The following GABRB3 variants were observed in gnomAD, a reference collection of about 807,000 sequenced individuals.
The protein encoded by GABRB3 is gamma-aminobutyric acid type A receptor subunit beta3, also known as gamma-aminobutyric acid receptor subunit beta-3.
In GABRB3, 14 loss-of-function variants were observed where a neutral mutation model predicts 52.1. The observed-to-expected ratio is 0.27, with a 90% CI of 0.18 to 0.42. The LOEUF is 0.42. Ranked by LOEUF, GABRB3 falls within the 10% of genes least tolerant of loss-of-function variation. The pLI is 1.00. For missense variants in GABRB3, 307 were observed against 609.1 expected (o/e 0.50, Z 5.22); for synonymous variants, 260 against 232.3 (o/e 1.12, Z -1.08).
At chr15:26,662,241 A>G (rs1340427624) in intron 3 of GABRB3, among the ~76,000 whole-genome samples, 1 of 152,214 alleles carries the variant, frequency 6.6e-6, no homozygotes, top group African/African-American at 2.4e-5. Context: ...GTTACCACAG[A>G]AAAGCATGAA....
chr15:26,644,031 A>G (rs1595505174), intron 3 of GABRB3, among the ~76,000 whole-genome samples: 1 of 152,262 alleles, frequency 6.6e-6, no homozygotes, highest in African/African-American at 2.4e-5. Context: ...GACTGAGGGT[A>G]CCCAGGGCAG....
At chr15:26,557,314 C>T (rs984663410) in intron 8 of GABRB3, among the ~76,000 whole-genome samples, 1 of 152,164 alleles carries the variant, frequency 6.6e-6, no homozygotes, top group Non-Finnish European at 1.5e-5. Context: ...CAAAAAACTA[C>T]CTTTTGGGCA....
chr15:26,719,072 C>A (rs1200327236), intron 3 of GABRB3, among the ~76,000 whole-genome samples: 1 of 152,256 alleles, frequency 6.6e-6, no homozygotes, highest in Non-Finnish European at 1.5e-5. Flanking sequence ...AAGTTGCCTG[C>A]ATGCACCACA....
chr15:26,611,404 T>C (rs1273850147), intron 4 of GABRB3, among the ~76,000 whole-genome samples: 2 of 152,208 alleles, frequency 1.3e-5, no homozygotes, highest in African/African-American at 4.8e-5. Flanking sequence ...TCAGGATTTC[T>C]TGCTTCTTAG....
chr15:26,715,279 A>G (rs4906896), intron 3 of GABRB3, among the ~76,000 whole-genome samples: 71,758 of 152,038 alleles, frequency 0.47, 18,927 homozygotes, highest in Non-Finnish European at 0.59. Flanking sequence ...GAGACAGCAG[A>G]AAAACCAATT....
intron 3 of GABRB3, among the ~76,000 whole-genome samples, chr15:26,628,515 G>C (rs995427698): frequency 6.6e-6 from 1 of 152,110 alleles, no homozygotes; most frequent in Non-Finnish European, 1.5e-5. Context: ...GATGACTACA[G>C]GTGAATTCTT....
chr15:26,680,038 G>C (rs551819194), intron 3 of GABRB3, among the ~76,000 whole-genome samples: 98 of 152,320 alleles, frequency 6.4e-4, no homozygotes, highest in African/African-American at 2.3e-3. Flanking sequence ...TGTTGCTATG[G>C]AGCTATTTTT....
chr15:26,691,732 A>G (rs895091685), intron 3 of GABRB3, among the ~76,000 whole-genome samples: 2 of 152,140 alleles, frequency 1.3e-5, no homozygotes, highest in Non-Finnish European at 1.5e-5. Flanking sequence ...TCAAGACCCA[A>G]TTTTTGGGTC....
intron 3 of GABRB3, among the ~76,000 whole-genome samples, chr15:26,680,413 C>T (rs1888202450): frequency 6.6e-6 from 1 of 152,206 alleles, no homozygotes. Flanking sequence ...GAAGAACTGG[C>T]CTCCTAGTCC....
chr15:26,611,145 C>T (rs1215327832), intron 4 of GABRB3, among the ~76,000 whole-genome samples: 1 of 152,118 alleles, frequency 6.6e-6, no homozygotes, highest in Non-Finnish European at 1.5e-5. Flanking sequence ...GAAATGATAA[C>T]TAGTTTTGTA....
At chr15:26,766,030 T>G (rs1295288567) in intron 3 of GABRB3, among the ~76,000 whole-genome samples, 1 of 152,210 alleles carries the variant, frequency 6.6e-6, no homozygotes. Flanking sequence ...CTCTATTACC[T>G]ACCTCACCAG....
intron 3 of GABRB3, among the ~76,000 whole-genome samples, chr15:26,758,817 A>G (rs1391379004): frequency 6.6e-6 from 1 of 152,210 alleles, no homozygotes; most frequent in Non-Finnish European, 1.5e-5. Context: ...ATGTGACACC[A>G]CCATTGTAGA....
intron 4 of GABRB3, among the ~76,000 whole-genome samples, chr15:26,620,398 A>T (rs182458147): frequency 2.4e-4 from 37 of 152,262 alleles, no homozygotes; most frequent in Non-Finnish European, 4.7e-4. Flanking sequence ...ATATACTGTT[A>T]TGATTTCGCT....
intron 4 of GABRB3, among the ~76,000 whole-genome samples, chr15:26,590,636 T>A (rs1891162757): frequency 6.6e-6 from 1 of 152,268 alleles, no homozygotes. Flanking sequence ...ATGTTTCGTT[T>A]ATCCCGATTT....
At chr15:26,717,786 G>C (rs138000529) in intron 3 of GABRB3, among the ~76,000 whole-genome samples, 1 of 152,162 alleles carries the variant, frequency 6.6e-6, no homozygotes, top group Non-Finnish European at 1.5e-5. Context: ...CTGGATCTTC[G>C]TCTTGTCAGT....
chr15:26,669,566 G>T (rs182692116), intron 3 of GABRB3, among the ~76,000 whole-genome samples: 109 of 151,982 alleles, frequency 7.2e-4, no homozygotes, highest in African/African-American at 2.5e-3. Context: ...ATCTTGGGAT[G>T]TTCTCATCAC....
intron 3 of GABRB3, among the ~76,000 whole-genome samples, chr15:26,733,268 A>G (rs1396814038): frequency 1.4e-5 from 2 of 139,240 alleles, no homozygotes; most frequent in Non-Finnish European, 3.4e-5. Flanking sequence ...ACACACACAT[A>G]CACACACACA....
intron 4 of GABRB3, among the ~76,000 whole-genome samples, chr15:26,584,164 G>A (rs1263615354): frequency 1.3e-5 from 2 of 152,146 alleles, no homozygotes; most frequent in African/African-American, 4.8e-5. Flanking sequence ...TTTGTTATTA[G>A]CTATAGTCAC....
At chr15:26,738,341 C>T (rs547279517) in intron 3 of GABRB3, among the ~76,000 whole-genome samples, 10 of 152,150 alleles carry the variant, frequency 6.6e-5, no homozygotes, top group African/African-American at 1.9e-4. Flanking sequence ...CCTCCGCCCC[C>T]CAAAATGCTG....
Sources: allele counts gnomAD v4.1 joint callset (sites outside exome capture counted in the v4.1 genomes callset), GRCh38; gene constraint gnomAD v4.1.1; transcripts MANE v1.5; gene names NCBI Gene and HGNC (gene_info 2026-07-23, HGNC 2026-07-21).